The following RGN variants were observed in gnomAD, a reference collection of about 807,000 sequenced individuals.
RGN encodes the protein epididymis secretory protein Li 41.
A neutral mutation model predicts 20.6 loss-of-function variants in RGN; 19 were observed. The observed-to-expected ratio is 0.92, with a 90% confidence interval of 0.64 to 1.35. The LOEUF is 1.35. Ranked by LOEUF, RGN falls within the 40% of genes most tolerant of loss-of-function variation. The probability of loss-of-function intolerance (pLI) is 0.00; values close to 1 mark genes in which losing one functional copy is unlikely to be tolerated. For synonymous variants in RGN, 85 were observed against 87.2 expected, an observed-to-expected ratio of 0.97 and a Z score of 0.14; for missense variants, 302 against 232.7, an observed-to-expected ratio of 1.30 and a Z score of -1.94.
At chrX:47,084,694 G>A (rs782015611) in intron 4 of RGN, 94 bp downstream of exon 4, 29 of 804,338 alleles carry the variant, frequency 3.6e-5, no homozygotes, top group Non-Finnish European at 4.5e-5. Context: ...GGTGGCTCCC[G>A]CCTGTAATCC....
chrX:47,082,705 A>G (rs1348722318), intron 3 of RGN, among the ~76,000 whole-genome samples: 1 of 111,436 alleles, frequency 9.0e-6, no homozygotes, highest in East Asian at 2.8e-4. Flanking sequence ...CTGAGGGTAG[A>G]ATGGGGATGG....
chrX:47,079,414 T>C (rs368036977), intron 1 of RGN, among the ~76,000 whole-genome samples: 4 of 109,462 alleles, frequency 3.7e-5, no homozygotes, highest in African/African-American at 1.3e-4. Context: ...TTGTTTTGTT[T>C]TGTTTTGTTT....
intron 4 of RGN, among the ~76,000 whole-genome samples, chrX:47,089,538 A>T (rs1930810877): frequency 1.4e-5 from 1 of 74,052 alleles, no homozygotes; most frequent in Non-Finnish European, 2.4e-5. Flanking sequence ...ACTCATATAT[A>T]TACATATTAT....
chrX:47,081,198 G>T lies in RGN; in HGVS notation c.54G>T (p.Glu18Asp). ...CVLPENCRCG[E>D]SPVWEEVSNS... ...TGCCAGAGAACTGCCGGTGTGGTGAGTCTCCAGTATGGGAGGAAGTGTCCA... is the reference window on the plus strand; with the variant it reads ...TGCCAGAGAACTGCCGGTGTGGTGATTCTCCAGTATGGGAGGAAGTGTCCA... The change falls in exon 3 of 8, where the codon GAG (glutamate) becomes GAT (aspartate). Residue 18 changes from glutamate (E) to aspartate (D), a missense_variant. Transcript: ENST00000397180. 1.7e-6 allele frequency: 2 copies of T among 1,205,491 alleles called. No homozygotes were observed. Among genetic ancestry groups the T allele is most frequent in the Non-Finnish European group, 2.2e-6 (2 of 889,850 alleles).
chrX:47,089,527 TACTCATATATATACATATTATATAC>T (rs147808827), intron 4 of RGN, among the ~76,000 whole-genome samples: 939 of 39,232 alleles, frequency 0.024, 230 homozygotes, highest in African/African-American at 0.028. Flanking sequence ...ATATTATATA[TACTCATATATATACATATTATATAC>T]ACTTATATAT....
At chrX:47,088,768 CA>C (rs1287796396) in intron 4 of RGN, among the ~76,000 whole-genome samples, 2 of 104,457 alleles carry the variant, frequency 1.9e-5, no homozygotes, top group Admixed American at 1.1e-4. Context: ...CCCGTCTCTA[CA>C]AAAAAAATAA....
chrX:47,091,568 G>A (rs1177826520), intron 5 of RGN, 110 bp from the exon 6 acceptor site: 13 of 847,350 alleles, frequency 1.5e-5, no homozygotes, highest in Non-Finnish European at 2.0e-5. Context: ...TGGATAAGCT[G>A]AAGTGATCTG....
chrX:47,091,270 T>C (rs1191347010), intron 5 of RGN, among the ~76,000 whole-genome samples: 1 of 111,591 alleles, frequency 9.0e-6, no homozygotes, highest in Non-Finnish European at 1.9e-5. Context: ...CTAGTTTTTG[T>C]GCATGAACTG....
chrX:47,080,201 C>T (rs190045560), intron 1 of RGN, 116 bp from the exon 2 acceptor site: 160 of 112,439 alleles, frequency 1.4e-3, no homozygotes, highest in African/African-American at 5.0e-3. Context: ...CAGTGTGGAT[C>T]ATTCCTGGAA....
chrX:47,083,919 A>AC (rs1460584081), intron 3 of RGN, among the ~76,000 whole-genome samples: 52 of 108,465 alleles, frequency 4.8e-4, no homozygotes, highest in African/African-American at 1.6e-3. Flanking sequence ...TCTCAAACAA[A>AC]ACAAACAAAA....
chrX:47,089,951 C>T lies in RGN; in HGVS notation c.522C>T (p.Ser174=), dbSNP rs781977550. Residue 174 remains serine, a synonymous_variant, in exon 5 of 8, where the codon TCC becomes TCT. Coordinates refer to ENST00000397180, the MANE Select transcript of RGN (RefSeq NM_152869.4). ...ATTACATTGACAGCCTGTCCTACTC[C>T]GTGGATGCCTTTGACTATGACCTGC... The part of the protein sequence containing the change: ...IFYYIDSLSY[S]VDAFDYDLQT... The T allele has an allele frequency of 1.4e-5, 17 of 1,204,113 alleles. No homozygotes were observed. Among genetic ancestry groups the T allele is most frequent in the South Asian group, 5.3e-5 (3 of 56,252 alleles).
At chrX:47,081,400 T>A in intron 3 of RGN, 93 bp downstream of exon 3, 2 of 804,880 alleles carry the variant, frequency 2.5e-6, no homozygotes, top group Non-Finnish European at 3.7e-6. Context: ...GCACACTGAC[T>A]ACACTTGTCA....
intron 4 of RGN, among the ~76,000 whole-genome samples, chrX:47,085,256 C>A (rs1023490358): frequency 8.9e-6 from 1 of 111,737 alleles, no homozygotes; most frequent in South Asian, 3.7e-4. Context: ...TGGTGGCTCA[C>A]GCCTGTAATC....
In RGN at chrX:47,080,580, C is replaced by T; in HGVS notation, c.-372C>T. 1 of 111,853 alleles carries T rather than the reference C, an allele frequency of 8.9e-6. No individual in the cohort carries two copies. The highest frequency in any genetic ancestry group is 1.9e-5 in the Non-Finnish European group (1 of 53,394). 9.2% of individuals were successfully genotyped at this position (111,853 alleles called of 1,213,427 possible). Reference sequence around the variant, plus strand: ...AGTTCTCATTGGGGTGAACATAGTCCTAAAAATGCAGTTCATAAAAATCAA... The same window carrying T: ...AGTTCTCATTGGGGTGAACATAGTCTTAAAAATGCAGTTCATAAAAATCAA... On this transcript the variant is annotated 5_prime_UTR_variant, in exon 2 of 8. Coordinates refer to ENST00000397180, the MANE Select transcript of RGN (RefSeq NM_152869.4).
At chrX:47,082,392 C>T (rs928156913) in intron 3 of RGN, among the ~76,000 whole-genome samples, 1 of 103,545 alleles carries the variant, frequency 9.7e-6, no homozygotes, top group Non-Finnish European at 2.0e-5. Context: ...CTTACTACAG[C>T]CTCAATCTCC....
In RGN at chrX:47,091,671, A is replaced by G; in HGVS notation, c.563-7A>G. 1 of 1,202,054 alleles carries G rather than the reference A, an allele frequency of 8.3e-7. No individual in the cohort carries two copies. The highest frequency in any genetic ancestry group is 2.3e-4 in the Middle Eastern group (1 of 4,278). On this transcript the variant is annotated splice_polypyrimidine_tract_variant and splice_region_variant and intron_variant, in intron 5 of 7. Coordinates refer to ENST00000397180, the MANE Select transcript of RGN (RefSeq NM_152869.4). ...GTTCTGTTTTTGTTTTTGCCTTTTA[A>G]CCATAGCCAACCGCAGAAGTGTTTA...
At position 47,089,594 on chromosome X, in the gene RGN, T is replaced by TAC. The variant is rs1250675972; in HGVS notation, c.347-181_347-180insCA. Among the ~76,000 whole-genome samples the TAC allele has an allele frequency of 5.1e-3, 210 of 41,341 alleles. 1 individual carries two copies. Among genetic ancestry groups the TAC allele is most frequent in the South Asian group, 0.022 (18 of 816 alleles). The allele number at this position is 41,341 out of a possible 115,157, so 35.9% of individuals were successfully genotyped here. A position where few individuals can be genotyped will look rare whatever the true frequency, so the allele number is the denominator to read the frequency against. On this transcript the variant is annotated intron_variant, in intron 4 of 7. Transcript: ENST00000397180. ...TATATATACTTTATATATATATATATATATACACACACACACACACACACA... is the reference window on the plus strand; with the variant it reads ...TATATATACTTTATATATATATATATACATATACACACACACACACACACACA...
intron 2 of RGN, 81 bp from the exon 3 acceptor site, chrX:47,081,049 G>A: frequency 2.9e-6 from 2 of 685,980 alleles, no homozygotes; most frequent in South Asian, 4.9e-5. Context: ...AGTGTATCCA[G>A]CCTTGCCAGT....
At chrX:47,082,716 G>A (rs982393821) in intron 3 of RGN, among the ~76,000 whole-genome samples, 1 of 111,223 alleles carries the variant, frequency 9.0e-6, no homozygotes, top group Non-Finnish European at 1.9e-5. Flanking sequence ...ATGGGGATGG[G>A]GTCCCCTTGC....
Sources: allele counts gnomAD v4.1 joint callset (sites outside exome capture counted in the v4.1 genomes callset), GRCh38; gene constraint gnomAD v4.1.1; transcripts MANE v1.5; gene names NCBI Gene and HGNC (gene_info 2026-07-23, HGNC 2026-07-21).